CHN2: variants seen among roughly 807,000 people sequenced by gnomAD.
The protein encoded by CHN2 is beta-chimaerin.
A neutral mutation model predicts 56.3 loss-of-function variants in CHN2; 35 were observed. The observed-to-expected ratio is 0.62, with a 90% CI of 0.47 to 0.82. The LOEUF (loss-of-function observed/expected upper bound fraction) is 0.82, where lower values mean the gene tolerates loss of function less well. Ranked by LOEUF, CHN2 falls within the 40% of genes least tolerant of loss-of-function variation. The pLI is 0.00. For missense variants in CHN2, 491 were observed against 580.5 expected, an observed-to-expected ratio of 0.85 and a Z score of 1.58; for synonymous variants, 210 against 212.8, an observed-to-expected ratio of 0.99 and a Z score of 0.12.
At chr7:29,509,844 CAAAAAAAA>C (rs34925686) in intron 12 of CHN2, among the ~76,000 whole-genome samples, 1 of 134,198 alleles carries the variant, frequency 7.5e-6, no homozygotes, top group African/African-American at 2.8e-5. Flanking sequence ...GACTCCATCT[CAAAAAAAA>C]AAAAAAAAGA....
chr7:29,239,892 A>G (rs905621872), intron 1 of CHN2, among the ~76,000 whole-genome samples: 1 of 152,226 alleles, frequency 6.6e-6, no homozygotes, highest in Admixed American at 6.5e-5. Flanking sequence ...AGAGGGACCC[A>G]TTGTTGCCCG....
intron 6 of CHN2, among the ~76,000 whole-genome samples, chr7:29,462,763 C>CT (rs1032144369): frequency 5.3e-5 from 8 of 151,722 alleles, no homozygotes; most frequent in Non-Finnish European, 1.0e-4. Context: ...CCATCATATT[C>CT]TTTTTTTTTA....
chr7:29,363,355 C>T (rs571608716), intron 2 of CHN2, among the ~76,000 whole-genome samples: 54 of 152,266 alleles, frequency 3.5e-4, no homozygotes, highest in Non-Finnish European at 5.6e-4. Flanking sequence ...CATGGTGATG[C>T]GTGCCTGTAG....
chr7:29,194,820 G>C lies in CHN2; in HGVS notation c.-122G>C. The C allele has an allele frequency of 2.4e-6, 2 of 847,806 alleles. No homozygotes were observed. Among genetic ancestry groups the C allele is most frequent in the Non-Finnish European group, 3.2e-6 (2 of 615,772 alleles). 52.5% of individuals were successfully genotyped at this position (847,806 alleles called of 1,614,324 possible). On this transcript the variant is annotated 5_prime_UTR_variant, in exon 1 of 13. Coordinates refer to ENST00000222792, the MANE Select transcript of CHN2 (RefSeq NM_004067.4). The stretch of plus-strand genomic sequence containing the variant: ...CAGAGTCCGGAGGCTGGTGCTTTCT[G>C]CGCGTCCCCAGGACTTTGCCATGGG...
chr7:29,260,960 A>C (rs527626861), intron 1 of CHN2, among the ~76,000 whole-genome samples: 53 of 152,306 alleles, frequency 3.5e-4, no homozygotes, highest in Non-Finnish European at 6.3e-4. Context: ...TTTTCTTTCT[A>C]ATATACTTTG....
chr7:29,173,130 C>CAAA (rs56379349), intron 2 of CHN2, among the ~76,000 whole-genome samples: 15 of 80,184 alleles, frequency 1.9e-4, no homozygotes, highest in African/African-American at 6.0e-4. Flanking sequence ...GACTCTGTAT[C>CAAA]AAAAAAAAAA....
chr7:29,489,788 A>G (rs1258724825), intron 7 of CHN2, among the ~76,000 whole-genome samples: 1 of 152,198 alleles, frequency 6.6e-6, no homozygotes, highest in Non-Finnish European at 1.5e-5. Context: ...CAGTAGGGAT[A>G]CTTGTTGGGA....
chr7:29,472,744 C>A (rs1179770536), intron 6 of CHN2, among the ~76,000 whole-genome samples: 1 of 151,980 alleles, frequency 6.6e-6, no homozygotes, highest in Non-Finnish European at 1.5e-5. Context: ...ATGGTAGTCA[C>A]CAGAGAAGAG....
intron 12 of CHN2, chr7:29,509,661 G>A (rs1447795975): frequency 2.2e-5 from 6 of 270,192 alleles, no homozygotes; most frequent in East Asian, 9.2e-5. Context: ...TGGCTAACAC[G>A]GTGAAACCCT....
At position 29,442,939 on chromosome 7, in the gene CHN2, T is replaced by TA. The variant is rs1269194111; in HGVS notation, c.577-37340_577-37339insA. 3.4e-3 allele frequency among the ~76,000 whole-genome samples: 424 copies of TA among 124,570 alleles called. 30 individuals carry two copies. Among genetic ancestry groups the TA allele is most frequent in the African/African-American group, 0.014 (381 of 27,700 alleles). 81.7% of individuals were successfully genotyped at this position (124,570 alleles called of 152,430 possible). On this transcript the variant is annotated intron_variant, in intron 6 of 12. Coordinates refer to ENST00000222792, the MANE Select transcript of CHN2 (RefSeq NM_004067.4). The stretch of plus-strand genomic sequence containing the variant: ...CTTTCAATTTCATTGAATTTCTTTT[T>TA]TTTTTTTTTTTTGAGACGGAGTCTC...
chr7:29,197,191 G>C (rs1362956099), intron 1 of CHN2, among the ~76,000 whole-genome samples: 2 of 152,172 alleles, frequency 1.3e-5, no homozygotes, highest in South Asian at 2.1e-4. Context: ...AGAAATTAGG[G>C]CACTCCGTCA....
chr7:29,190,296 C>T (rs1782725315), upstream of CHN2, among the ~76,000 whole-genome samples: 2 of 152,158 alleles, frequency 1.3e-5, no homozygotes, highest in Non-Finnish European at 2.9e-5. Context: ...AGCTAGTTGA[C>T]GAATAGCCCT....
rs1167937104 is a variant in CHN2, at chr7:29,151,176, C to T, written c.274+4216C>T. On this transcript the variant is annotated intron_variant, in intron 2 of 6. Transcript: ENST00000439384. ...TAAGACTAGCCACAGGCTACAGACT[C>T]CAGGGAAGTTGTGGATAATTACATG... Among the ~76,000 whole-genome samples the T allele has an allele frequency of 2.6e-5, 4 of 152,292 alleles. No homozygotes were observed. The East Asian group carries it at 5.8e-4, about 22-fold the overall frequency.
At chr7:29,321,627 A>G (rs529591928) in intron 1 of CHN2, among the ~76,000 whole-genome samples, 42 of 147,470 alleles carry the variant, frequency 2.8e-4, no homozygotes, top group African/African-American at 9.1e-4. Flanking sequence ...CTGGAGTGCA[A>G]TGGCACAATC....
intron 1 of CHN2, among the ~76,000 whole-genome samples, chr7:29,243,642 T>A (rs1462826117): frequency 6.6e-6 from 1 of 152,180 alleles, no homozygotes; most frequent in Admixed American, 6.6e-5. Context: ...TCCAGAAGTT[T>A]TTTTGCAAAA....
chr7:29,335,352 TTAC>T (rs1796535990), intron 1 of CHN2, among the ~76,000 whole-genome samples: 1 of 152,200 alleles, frequency 6.6e-6, no homozygotes, highest in Non-Finnish European at 1.5e-5. Context: ...ATCTCAGACA[TTAC>T]TACTAATTGG....
At chr7:29,342,788 C>T (rs1056545894) in intron 1 of CHN2, among the ~76,000 whole-genome samples, 4 of 152,222 alleles carry the variant, frequency 2.6e-5, no homozygotes, top group South Asian at 4.1e-4. Flanking sequence ...TATAACACTC[C>T]GCTTTCTACC....
chr7:29,267,157 G>A (rs1274826909), intron 1 of CHN2, among the ~76,000 whole-genome samples: 1 of 152,040 alleles, frequency 6.6e-6, no homozygotes, highest in Non-Finnish European at 1.5e-5. Flanking sequence ...TCCCCAGCAG[G>A]CATGTCATCC....
At chr7:29,276,078 A>T (rs2128854455) in intron 1 of CHN2, among the ~76,000 whole-genome samples, 1 of 152,114 alleles carries the variant, frequency 6.6e-6, no homozygotes, top group African/African-American at 2.4e-5. Context: ...CAAAACACGC[A>T]TGATAGTTTT....
Sources: allele counts gnomAD v4.1 joint callset (sites outside exome capture counted in the v4.1 genomes callset), GRCh38; gene constraint gnomAD v4.1.1; transcripts MANE v1.5; gene names NCBI Gene and HGNC (gene_info 2026-07-23, HGNC 2026-07-21).